The following CAMK4 variants were observed in gnomAD, a reference collection of about 807,000 sequenced individuals.
CAMK4 encodes calcium/calmodulin dependent protein kinase IV.
A neutral mutation model predicts 44.9 loss-of-function variants in CAMK4; 22 were observed. The ratio of observed to expected loss-of-function variants is 0.49; its 90% CI spans 0.35 to 0.70. The LOEUF (loss-of-function observed/expected upper bound fraction) is 0.70, where lower values mean the gene tolerates loss of function less well. Among genes scored for constraint, CAMK4 ranks in the 30% least tolerant of loss-of-function variants. The probability of loss-of-function intolerance (pLI) is 0.01; values close to 1 mark genes in which losing one functional copy is unlikely to be tolerated. For synonymous variants in CAMK4, 218 were observed against 215.4 expected (o/e 1.01, Z -0.11); for missense variants, 498 against 586.8 (o/e 0.85, Z 1.56).
chr5:111,428,513 T>A (rs944798364), intron 5 of CAMK4, among the ~76,000 whole-genome samples: 1 of 152,240 alleles, frequency 6.6e-6, no homozygotes, highest in Admixed American at 6.5e-5. Context: ...GTCAGAATTC[T>A]ATCAGATAAA....
At position 111,227,241 on chromosome 5, in the gene CAMK4, C is replaced by T. The variant is rs76380812; in HGVS notation, c.161+2597C>T. On this transcript the variant is annotated intron_variant, in intron 1 of 10. Transcript: ENST00000282356. ...CCAGAGAATGCAACAGAATGATGAT[C>T]GTAGATATTGGCTGAGTGACTAAAA... is the stretch of plus-strand genomic sequence containing the variant. 2.5e-3 allele frequency among the ~76,000 whole-genome samples: 384 copies of T among 152,234 alleles called. 3 individuals are homozygous for T. The highest frequency in any genetic ancestry group is 8.7e-3 in the African/African-American group (362 of 41,522).
In CAMK4 at chr5:111,238,756, G is replaced by T. The variant is rs138551983; in HGVS notation, c.161+14112G>T. 6.8e-4 allele frequency among the ~76,000 whole-genome samples: 92 copies of T among 136,204 alleles called. No individual in the cohort carries two copies. In the East Asian group the frequency reaches 0.018, roughly 27 times the overall value. The allele number at this position is 136,204 out of a possible 152,430, so 89.4% of individuals were successfully genotyped here. ...AGAACCCCACTTCACAAGGAGTAAAGCTCCTTACTTGTTTTATCTAGGATG... is the reference window on the plus strand; with the variant it reads ...AGAACCCCACTTCACAAGGAGTAAATCTCCTTACTTGTTTTATCTAGGATG... On this transcript the variant is annotated intron_variant, in intron 1 of 10. Coordinates refer to ENST00000282356, the MANE Select transcript of CAMK4 (RefSeq NM_001744.6).
Position 111,450,928 on chromosome 5 carries a change from C to T in CAMK4, c.625+1725C>T, listed in dbSNP as rs558668628. Among the ~76,000 whole-genome samples, 120 of 152,114 alleles carry T rather than the reference C, an allele frequency of 7.9e-4. 1 individual carries two copies. Among genetic ancestry groups the T allele is most frequent in the African/African-American group, 2.7e-3 (110 of 41,482 alleles). The stretch of plus-strand genomic sequence containing the variant: ...GAATTATCTGTCTTGTTTTCTATAG[C>T]GCTTATATTTGAGGTCACCCCTGCC... On this transcript the variant is annotated intron_variant, in intron 7 of 10. Transcript: ENST00000282356.
chr5:111,336,615 G>C (rs1347542821), intron 1 of CAMK4, among the ~76,000 whole-genome samples: 1 of 150,920 alleles, frequency 6.6e-6, no homozygotes, highest in Non-Finnish European at 1.5e-5. Context: ...TTTATTAATT[G>C]TTTCTTAAAA....
intron 1 of CAMK4, among the ~76,000 whole-genome samples, chr5:111,317,188 C>A (rs1459933002): frequency 6.6e-6 from 1 of 151,966 alleles, no homozygotes; most frequent in Non-Finnish European, 1.5e-5. Context: ...GACTTTCTTC[C>A]CAGAAATTAT....
At chr5:111,295,228 A>C (rs1267217543) in intron 1 of CAMK4, among the ~76,000 whole-genome samples, 1 of 152,218 alleles carries the variant, frequency 6.6e-6, no homozygotes, top group African/African-American at 2.4e-5. Context: ...CAGAGGAATA[A>C]ACAGTGTAAG....
At chr5:111,238,317 C>T (rs760111265) in intron 1 of CAMK4, among the ~76,000 whole-genome samples, 4 of 152,120 alleles carry the variant, frequency 2.6e-5, no homozygotes, top group South Asian at 2.1e-4. Context: ...ACTCCCAATA[C>T]GATGGGGTTT....
intron 1 of CAMK4, among the ~76,000 whole-genome samples, chr5:111,273,765 A>T (rs1750642085): frequency 6.8e-6 from 1 of 146,226 alleles, no homozygotes; most frequent in Admixed American, 6.8e-5. Flanking sequence ...ACATACACAC[A>T]CACATATATA....
intron 5 of CAMK4, among the ~76,000 whole-genome samples, chr5:111,395,474 A>G (rs1427854839): frequency 6.7e-6 from 1 of 150,036 alleles, no homozygotes; most frequent in East Asian, 2.0e-4. Flanking sequence ...AATTTGGTAG[A>G]GATGTGGAAG....
chr5:111,277,848 G>A (rs999018598), intron 1 of CAMK4, among the ~76,000 whole-genome samples: 2 of 151,910 alleles, frequency 1.3e-5, no homozygotes, highest in Non-Finnish European at 2.9e-5. Flanking sequence ...TCTAGGATGT[G>A]TTATAAGGAT....
Position 111,456,240 on chromosome 5 carries a change from G to C in CAMK4, c.625+7037G>C, listed in dbSNP as rs370248287. 5.3e-5 allele frequency among the ~76,000 whole-genome samples: 8 copies of C among 151,992 alleles called. No individual in the cohort carries two copies. The East Asian group carries it at 1.6e-3, about 29-fold the overall frequency. ...TTCTCGGCCGGGCGCGGTGGCTCAC[G>C]ACTGTAATCCCAGCACTTTGGGAGG... On this transcript the variant is annotated intron_variant, in intron 7 of 10. Transcript: ENST00000282356.
At position 111,224,819 on chromosome 5, in the gene CAMK4, A is replaced by T. The variant is rs375680711; in HGVS notation, c.161+175A>T. 6.6e-6 allele frequency among the ~76,000 whole-genome samples: 1 copy of T among 150,844 alleles called. No individual in the cohort carries two copies. Among genetic ancestry groups the T allele is most frequent in the Admixed American group, 6.6e-5 (1 of 15,176 alleles). Reference sequence around the variant, plus strand: ...TTCAGGTGCGGCTCGAGTCCTTCCCACCCCACCAGAGCGCCTAGGCCGGTG... The same window carrying T: ...TTCAGGTGCGGCTCGAGTCCTTCCCTCCCCACCAGAGCGCCTAGGCCGGTG... On this transcript the variant is annotated intron_variant, in intron 1 of 10. Coordinates refer to ENST00000282356, the MANE Select transcript of CAMK4 (RefSeq NM_001744.6). The surrounding 1 kb of genome is among the most constrained non-coding windows in gnomAD (Gnocchi z 5.7).
intron 1 of CAMK4, among the ~76,000 whole-genome samples, chr5:111,301,674 A>T (rs974088481): frequency 1.3e-5 from 2 of 152,222 alleles, no homozygotes; most frequent in African/African-American, 4.8e-5. Flanking sequence ...TTCAGAGACA[A>T]TTCTTCCATT....
rs1754657797 is a variant in CAMK4 at position 111,461,887 on chromosome 5, G to C, written c.626-11424G>C. On this transcript the variant is annotated intron_variant, in intron 7 of 10. Transcript: ENST00000282356. Reference sequence around the variant, plus strand: ...TAGGGACAATAATTCTGGAAAGTCAGGTTCAGGCTTTTAGATGCAAATAGA... The same window carrying C: ...TAGGGACAATAATTCTGGAAAGTCACGTTCAGGCTTTTAGATGCAAATAGA... Among the ~76,000 whole-genome samples, 2 of 147,592 alleles carry C rather than the reference G, an allele frequency of 1.4e-5. 1 individual carries two copies. Among genetic ancestry groups the C allele is most frequent in the South Asian group, 4.3e-4 (2 of 4,656 alleles).
intron 7 of CAMK4, among the ~76,000 whole-genome samples, chr5:111,457,697 T>C (rs31620): frequency 0.68 from 102,920 of 152,056 alleles, 36,859 homozygotes; most frequent in Non-Finnish European, 0.8. Context: ...TGTAGGAAAA[T>C]TTAAATAAAA....
At chr5:111,401,451 T>G (rs914826051) in intron 5 of CAMK4, among the ~76,000 whole-genome samples, 1 of 152,086 alleles carries the variant, frequency 6.6e-6, no homozygotes, top group African/African-American at 2.4e-5. Context: ...AGGTTTGTGT[T>G]AAAGACTGTG....
At chr5:111,445,463 C>T (rs912972152) in intron 5 of CAMK4, among the ~76,000 whole-genome samples, 1 of 152,042 alleles carries the variant, frequency 6.6e-6, no homozygotes, top group African/African-American at 2.4e-5. Context: ...GGGTCTTGCT[C>T]TATCACCCAG....
chr5:111,424,528 T>C (rs929594561), intron 5 of CAMK4, among the ~76,000 whole-genome samples: 8 of 132,002 alleles, frequency 6.1e-5, no homozygotes, highest in African/African-American at 1.7e-4. Context: ...CACTGCAAGC[T>C]CCGCCTCCTG....
At position 111,484,356 on chromosome 5, in the gene CAMK4, G is replaced by T; in HGVS notation, c.1312G>T (p.Glu438Ter). 6.2e-7 allele frequency: 1 copy of T among 1,612,276 alleles called. No homozygotes were observed. Among genetic ancestry groups the T allele is most frequent in the Non-Finnish European group, 8.5e-7 (1 of 1,179,254 alleles). The change falls in exon 11 of 11, where the codon GAG (glutamate) becomes TAG (stop). Residue 438 changes from glutamate (E) to a stop codon, truncating the protein, a stop_gained. Coordinates refer to ENST00000282356, the MANE Select transcript of CAMK4 (RefSeq NM_001744.6). LOFTEE classifies it low-confidence loss of function (END_TRUNC). This position sits in a 1 kb window ranked among gnomAD's most constrained non-coding sequence, Gnocchi z 5.3. ...ADLELEEGLA[E>*]EKLKTVEEAA... ...CCTGGAACTAGAGGAGGGCCTAGCA[G>T]AGGAGAAGCTGAAGACTGTGGAGGA...
Sources: gnomAD v4.1 joint callset for allele counts (sites outside exome capture counted in the v4.1 genomes callset) on GRCh38, gnomAD v4.1.1 for gene constraint, Gnocchi (gnomAD v3.1) non-coding constraint, MANE v1.5 for transcripts, NCBI Gene and HGNC (gene_info 2026-07-23, HGNC 2026-07-21) for gene names.